The following COL4A2 variants were observed in gnomAD, a reference collection of about 807,000 sequenced individuals.
COL4A2 encodes collagen type IV alpha 2 chain.
COL4A2 carries 99 observed loss-of-function variants against 200.2 expected under a neutral mutation model. That is an observed-to-expected ratio of 0.49 (90% confidence interval 0.42 to 0.58). COL4A2 has a LOEUF of 0.58. Among genes scored for constraint, COL4A2 ranks in the 20% least tolerant of loss-of-function variants. The pLI, the probability that COL4A2 is intolerant of heterozygous loss-of-function variation, is 0.00. For synonymous variants in COL4A2, 897 were observed against 900.6 expected, an observed-to-expected ratio of 1.00 and a Z score of 0.07; for missense variants, 1,950 against 2,314.1, an observed-to-expected ratio of 0.84 and a Z score of 3.23.
intron 29 of COL4A2, among the ~76,000 whole-genome samples, chr13:110,475,490 C>T (rs2139516249): frequency 6.6e-6 from 1 of 152,296 alleles, no homozygotes; most frequent in Non-Finnish European, 1.5e-5. Context: ...CTGCAGGCTT[C>T]AGAATGTTTG....
chr13:110,419,727 C>T (rs1880177724), intron 4 of COL4A2, among the ~76,000 whole-genome samples: 1 of 152,212 alleles, frequency 6.6e-6, no homozygotes, highest in Non-Finnish European at 1.5e-5. Flanking sequence ...TGCGCACCAG[C>T]CATGACTTCA....
At chr13:110,471,273 TCAGGTGATTTGGA>T (rs2139510697) in intron 28 of COL4A2, among the ~76,000 whole-genome samples, 1 of 152,324 alleles carries the variant, frequency 6.6e-6, no homozygotes, top group East Asian at 1.9e-4. Flanking sequence ...GCACCCATTA[TCAGGTGATTTGGA>T]CAGTTGCCCA....
chr13:110,511,867 A>G lies in COL4A2; in HGVS notation c.4882-67A>G. Reference sequence around the variant, plus strand: ...AAAAACAAATGCACAGAAGAGGGCTATGCCCTGACCCCGTGCCACCTGCAG... The same window carrying G: ...AAAAACAAATGCACAGAAGAGGGCTGTGCCCTGACCCCGTGCCACCTGCAG... On this transcript the variant is annotated intron_variant, in intron 47 of 47. Coordinates refer to ENST00000360467, the MANE Select transcript of COL4A2 (RefSeq NM_001846.4). 4 of 1,608,950 alleles carry G rather than the reference A, an allele frequency of 2.5e-6. No individual in the cohort carries two copies. The South Asian group carries it at 3.3e-5, about 13-fold the overall frequency.
chr13:110,463,509 A>G (rs1245750905), intron 24 of COL4A2, among the ~76,000 whole-genome samples: 1 of 152,150 alleles, frequency 6.6e-6, no homozygotes, highest in Non-Finnish European at 1.5e-5. Flanking sequence ...TTCTATTCGC[A>G]GCTTATTTGC....
intron 3 of COL4A2, among the ~76,000 whole-genome samples, chr13:110,313,313 G>A (rs773975272): frequency 6.6e-6 from 1 of 152,180 alleles, no homozygotes; most frequent in African/African-American, 2.4e-5. Flanking sequence ...GGCTCCGGAG[G>A]ACGGTAATTT....
rs1343473958 is a variant in COL4A2 at position 110,485,753 on chromosome 13, C to T, written c.3124C>T (p.Pro1042Ser). ...IKGVKGDIGV[P>S]GIPGLPGFPG... is the part of the protein sequence containing the mutation. ...AGGAGTCAAGGGAGACATCGGAGTC[C>T]CCGGCATCCCCGGTTTGCCAGGATT... The change falls in exon 34 of 48, where the codon CCC becomes TCC. Residue 1042 changes from proline to serine, a missense_variant. This residue lies in a region of COL4A2 where 1,385 missense variants were observed against 1,720.5 expected (regional missense o/e 0.80). Coordinates refer to ENST00000360467, the MANE Select transcript of COL4A2 (RefSeq NM_001846.4). The T allele has an allele frequency of 3.7e-6, 6 of 1,613,754 alleles. No homozygotes were observed. Among genetic ancestry groups the T allele is most frequent in the East Asian group, 4.5e-5 (2 of 44,874 alleles).
At chr13:110,356,540 T>G (rs1877273938) in intron 3 of COL4A2, among the ~76,000 whole-genome samples, 1 of 152,154 alleles carries the variant, frequency 6.6e-6, no homozygotes, top group African/African-American at 2.4e-5. Flanking sequence ...CCCTCCGTGG[T>G]GGCCCACTCC....
chr13:110,456,749 C>A (rs1215627322), intron 20 of COL4A2: 2 of 474,948 alleles, frequency 4.2e-6, no homozygotes, highest in Non-Finnish European at 8.7e-6. Context: ...CTGGGGGGAC[C>A]CTGGGCATCC....
chr13:110,417,062 GCTCCGCCT>G (rs1180217466), intron 4 of COL4A2, among the ~76,000 whole-genome samples: 2 of 151,302 alleles, frequency 1.3e-5, no homozygotes, highest in African/African-American at 4.9e-5. Flanking sequence ...CTCACTGCAA[GCTCCGCCT>G]CCTGGGTTCA....
chr13:110,439,715 TGCC>T, intron 15 of COL4A2, 71 bp from the exon 16 acceptor site: 1 of 1,607,970 alleles, frequency 6.2e-7, no homozygotes, highest in Non-Finnish European at 8.5e-7. Flanking sequence ...CACAGCCAGG[TGCC>T]GTAGTCAAGC....
At chr13:110,410,074 A>G (rs1428934074) in intron 4 of COL4A2, among the ~76,000 whole-genome samples, 6 of 152,210 alleles carry the variant, frequency 3.9e-5, no homozygotes, top group Admixed American at 2.0e-4. Flanking sequence ...GTGATTTCCA[A>G]AATATTAGAT....
At chr13:110,389,031 A>T (rs1878883308) in intron 4 of COL4A2, among the ~76,000 whole-genome samples, 1 of 152,084 alleles carries the variant, frequency 6.6e-6, no homozygotes, top group Admixed American at 6.5e-5. Context: ...CCTTTCTTTA[A>T]GCAGCTGACA....
chr13:110,452,184 A>T (rs1423762488), intron 20 of COL4A2, among the ~76,000 whole-genome samples: 3 of 152,142 alleles, frequency 2.0e-5, no homozygotes, highest in Non-Finnish European at 4.4e-5. Flanking sequence ...CCCAGGCTGG[A>T]GTGCAGTGGC....
At position 110,508,332 on chromosome 13, in the gene COL4A2, C is replaced by T; in HGVS notation, c.4881+111C>T. The T allele has an allele frequency of 1.3e-6, 2 of 1,518,810 alleles. No homozygotes were observed. Among genetic ancestry groups the T allele is most frequent in the Non-Finnish European group, 1.8e-6 (2 of 1,120,456 alleles). The allele number at this position is 1,518,810 out of a possible 1,614,324, so 94.1% of individuals were successfully genotyped here. ...ACACGGCAGTCCAGGGTGTGCACTG[C>T]ACAAGGGTAGTTGGCCCAGGAAGCG... On this transcript the variant is annotated intron_variant, in intron 47 of 47. Coordinates refer to ENST00000360467, the MANE Select transcript of COL4A2 (RefSeq NM_001846.4). The surrounding 1 kb of genome is among the most constrained non-coding windows in gnomAD (Gnocchi z 6.1).
chr13:110,481,037 CAG>C, intron 31 of COL4A2, among the ~76,000 whole-genome samples: 1 of 111,430 alleles, frequency 9.0e-6, no homozygotes, highest in African/African-American at 3.6e-5. Flanking sequence ...TGGAGACACA[CAG>C]TTCTGTCCCT....
intron 16 of COL4A2, among the ~76,000 whole-genome samples, chr13:110,441,849 G>A (rs1216330152): frequency 1.3e-5 from 2 of 151,844 alleles, no homozygotes; most frequent in East Asian, 1.9e-4. Flanking sequence ...GGGAGGCCAA[G>A]GTGAGTGGAT....
chr13:110,424,597 A>G, intron 4 of COL4A2, 137 bp from the exon 5 acceptor site: 1 of 526,320 alleles, frequency 1.9e-6, no homozygotes. Context: ...AGTAGATGAT[A>G]GTTTACATAT....
chr13:110,422,651 C>T (rs1364520393), intron 4 of COL4A2, among the ~76,000 whole-genome samples: 3 of 152,170 alleles, frequency 2.0e-5, no homozygotes, highest in Non-Finnish European at 4.4e-5. Context: ...TTTCCCAGCT[C>T]CCCTTGGTTT....
intron 4 of COL4A2, among the ~76,000 whole-genome samples, chr13:110,360,222 C>G (rs1323230821): frequency 6.6e-6 from 1 of 152,178 alleles, no homozygotes; most frequent in Non-Finnish European, 1.5e-5. Context: ...GGACGGAGTT[C>G]GTGTCTAGAG....
Sources: gnomAD v4.1 joint callset for allele counts (sites outside exome capture counted in the v4.1 genomes callset) on GRCh38, gnomAD v4.1.1 for gene constraint, gnomAD v4.1.1 regional missense constraint, Gnocchi (gnomAD v3.1) non-coding constraint, MANE v1.5 for transcripts, NCBI Gene and HGNC (gene_info 2026-07-23, HGNC 2026-07-21) for gene names.